GABRB2: variants seen among roughly 807,000 people sequenced by gnomAD.
GABRB2 encodes the protein gamma-aminobutyric acid type A receptor subunit beta2.
In GABRB2, 16 loss-of-function variants were observed where a neutral mutation model predicts 54.7. The observed-to-expected ratio is 0.29, with a 90% CI of 0.20 to 0.44. GABRB2 has a LOEUF of 0.44. GABRB2 is among the 20% of genes least tolerant of loss of function. The pLI is 1.00. For synonymous variants in GABRB2, 244 were observed against 233.8 expected (o/e 1.04, Z -0.40); for missense variants, 355 against 644.0 (o/e 0.55, Z 4.86).
chr5:161,534,363 T>C (rs1760564222), intron 3 of GABRB2, among the ~76,000 whole-genome samples: 1 of 152,170 alleles, frequency 6.6e-6, no homozygotes, highest in South Asian at 2.1e-4. Context: ...AGAATGATTA[T>C]AAAACAAATA....
chr5:161,430,170 T>A (rs913207253), intron 4 of GABRB2, among the ~76,000 whole-genome samples: 3 of 150,986 alleles, frequency 2.0e-5, no homozygotes, highest in African/African-American at 7.3e-5. Context: ...TAGCTAGAGG[T>A]TAGCAATGGC....
At chr5:161,392,725 T>C (rs1755868820) in intron 5 of GABRB2, among the ~76,000 whole-genome samples, 1 of 152,236 alleles carries the variant, frequency 6.6e-6, no homozygotes, top group African/African-American at 2.4e-5. Flanking sequence ...GTTTAAGAGA[T>C]GTTAGCTATT....
intron 9 of GABRB2, among the ~76,000 whole-genome samples, chr5:161,303,149 C>T (rs767394193): frequency 1.3e-5 from 2 of 152,192 alleles, no homozygotes; most frequent in Non-Finnish European, 2.9e-5. Context: ...CCCTTCCCAT[C>T]AAAACACAGA....
intron 5 of GABRB2, among the ~76,000 whole-genome samples, chr5:161,341,213 G>T (rs1193986069): frequency 6.6e-6 from 1 of 151,830 alleles, no homozygotes; most frequent in Non-Finnish European, 1.5e-5. Flanking sequence ...ATATTTAGCA[G>T]TCTCTCAAAG....
Position 161,293,246 on chromosome 5 carries a change from G to A in GABRB2, c.*835C>T, listed in dbSNP as rs1379774233. 6.6e-6 allele frequency: 1 copy of A among 152,196 alleles called. No homozygotes were observed. Among genetic ancestry groups the A allele is most frequent in the Non-Finnish European group, 1.5e-5 (1 of 68,044 alleles). 9.4% of individuals were successfully genotyped at this position (152,196 alleles called of 1,614,324 possible). On this transcript the variant is annotated 3_prime_UTR_variant, in exon 10 of 10. Coordinates refer to ENST00000393959, the MANE Select transcript of GABRB2 (RefSeq NM_001371727.1). ...CACCCTCTGCCACTAGACACAGTAT[G>A]TATAGACCAGATGCTGTGTGGAGCT...
intron 5 of GABRB2, among the ~76,000 whole-genome samples, chr5:161,388,131 A>ATTTGAGAG (rs1329045469): frequency 6.6e-6 from 1 of 152,150 alleles, no homozygotes; most frequent in Non-Finnish European, 1.5e-5. Context: ...CCATGGGAAG[A>ATTTGAGAG]TTTGAGAGTA....
chr5:161,345,065 G>A (rs1012131245), intron 5 of GABRB2, among the ~76,000 whole-genome samples: 3 of 152,044 alleles, frequency 2.0e-5, no homozygotes, highest in African/African-American at 7.2e-5. Context: ...CTAGGGGAGG[G>A]ATAGCATTAG....
intron 3 of GABRB2, among the ~76,000 whole-genome samples, chr5:161,492,826 G>A (rs1393662967): frequency 1.3e-5 from 2 of 151,676 alleles, no homozygotes; most frequent in Non-Finnish European, 3.0e-5. Flanking sequence ...ATAGATCTCA[G>A]ACATCTTTCA....
rs1341224314 is a variant in GABRB2, at chr5:161,288,520, A to G, written c.*5561T>C. On this transcript the variant is annotated 3_prime_UTR_variant, in exon 10 of 10. Coordinates refer to ENST00000393959, the MANE Select transcript of GABRB2 (RefSeq NM_001371727.1). ...TATTTACATGCTGAAACTGGCTGCAATAAGTTTAAATTCAAGAAAATAATT... is the reference window on the plus strand; with the variant it reads ...TATTTACATGCTGAAACTGGCTGCAGTAAGTTTAAATTCAAGAAAATAATT... 1.3e-5 allele frequency: 2 copies of G among 152,646 alleles called. No homozygotes were observed. Among genetic ancestry groups the G allele is most frequent in the Admixed American group, 6.5e-5 (1 of 15,276 alleles). The allele number at this position is 152,646 out of a possible 1,614,324, so 9.5% of individuals were successfully genotyped here.
chr5:161,416,182 C>T (rs1013946382), intron 4 of GABRB2, among the ~76,000 whole-genome samples: 4 of 152,236 alleles, frequency 2.6e-5, no homozygotes, highest in Non-Finnish European at 5.9e-5. Context: ...TCAAGGAATC[C>T]TCTCATCTCG....
chr5:161,361,701 T>C (rs1754815062), intron 5 of GABRB2, among the ~76,000 whole-genome samples: 1 of 152,192 alleles, frequency 6.6e-6, no homozygotes, highest in South Asian at 2.1e-4. Flanking sequence ...TTTTTCATTT[T>C]TTAAGCTACA....
intron 5 of GABRB2, among the ~76,000 whole-genome samples, chr5:161,354,249 A>G (rs190351581): frequency 6.6e-6 from 1 of 152,034 alleles, no homozygotes; most frequent in Non-Finnish European, 1.5e-5. Flanking sequence ...TGATACAAGG[A>G]CCACACCTCT....
At chr5:161,508,429 G>C (rs1190891753) in intron 3 of GABRB2, among the ~76,000 whole-genome samples, 1 of 150,970 alleles carries the variant, frequency 6.6e-6, no homozygotes, top group Non-Finnish European at 1.5e-5. Flanking sequence ...CTTGAGAGGT[G>C]GATAATGGGA....
chr5:161,511,493 T>C (rs932118644), intron 3 of GABRB2, among the ~76,000 whole-genome samples: 2 of 152,000 alleles, frequency 1.3e-5, no homozygotes, highest in Non-Finnish European at 1.5e-5. Context: ...TGGGATAATA[T>C]TCTGGAATAA....
intron 9 of GABRB2, among the ~76,000 whole-genome samples, chr5:161,304,935 A>C (rs1173684983): frequency 6.6e-6 from 1 of 151,314 alleles, no homozygotes; most frequent in Non-Finnish European, 1.5e-5. Context: ...GGGGAAAAAG[A>C]TTGGGATCAG....
intron 4 of GABRB2, among the ~76,000 whole-genome samples, chr5:161,433,144 G>GA (rs1757216058): frequency 6.6e-6 from 1 of 151,938 alleles, no homozygotes; most frequent in South Asian, 2.1e-4. Context: ...AAGCACTCCA[G>GA]AAAAAAATCC....
chr5:161,425,385 T>A (rs550547725), intron 4 of GABRB2, among the ~76,000 whole-genome samples: 1 of 151,998 alleles, frequency 6.6e-6, no homozygotes, highest in Non-Finnish European at 1.5e-5. Context: ...AAATCAGCAA[T>A]CACCATCCTG....
chr5:161,472,557 A>T lies in GABRB2; in HGVS notation c.238-12713T>A, dbSNP rs188959463. On this transcript the variant is annotated intron_variant, in intron 3 of 9. Transcript: ENST00000393959. ...GGGAGATGAATGTCAGTCCCTGAGA[A>T]TTCTGTGTGATTTGAACTCTGAAGT... 9.1e-4 allele frequency among the ~76,000 whole-genome samples: 138 copies of T among 152,018 alleles called. 1 individual carries two copies. Among genetic ancestry groups the T allele is most frequent in the Non-Finnish European group, 1.7e-3 (118 of 67,924 alleles).
chr5:161,314,323 G>A (rs1187830653), intron 9 of GABRB2, among the ~76,000 whole-genome samples: 2 of 152,170 alleles, frequency 1.3e-5, no homozygotes, highest in Admixed American at 6.5e-5. Flanking sequence ...CCTTGAAACC[G>A]GTCCAACTTC....
Sources: gnomAD v4.1 joint callset for allele counts (sites outside exome capture counted in the v4.1 genomes callset) on GRCh38, gnomAD v4.1.1 for gene constraint, MANE v1.5 for transcripts, NCBI Gene and HGNC (gene_info 2026-07-23, HGNC 2026-07-21) for gene names.